The following ACAP2 variants were observed in gnomAD, a reference collection of about 807,000 sequenced individuals.
ACAP2 encodes the protein arf-GAP with coiled-coil, ANK repeat and PH domain-containing protein 2.
A neutral mutation model predicts 115.8 loss-of-function variants in ACAP2; 39 were observed. The ratio of observed to expected loss-of-function variants is 0.34; its 90% confidence interval spans 0.26 to 0.44. The LOEUF (loss-of-function observed/expected upper bound fraction) is 0.44, where lower values mean the gene tolerates loss of function less well. ACAP2 is among the 20% of genes least tolerant of loss of function. ACAP2 has a pLI of 1.00. For synonymous variants in ACAP2, 289 were observed against 315.8 expected (o/e 0.92, Z 0.90); for missense variants, 662 against 927.6 (o/e 0.71, Z 3.72).
chr3:195,383,441 T>A (rs1290798706), intron 2 of ACAP2, among the ~76,000 whole-genome samples: 1 of 152,074 alleles, frequency 6.6e-6, no homozygotes, highest in Admixed American at 6.6e-5. Flanking sequence ...TGATAAATGA[T>A]ATTAGGGACA....
intron 4 of ACAP2, among the ~76,000 whole-genome samples, chr3:195,365,445 A>G (rs967478947): frequency 6.6e-6 from 1 of 152,228 alleles, no homozygotes; most frequent in Non-Finnish European, 1.5e-5. Context: ...ATTGTTTTAA[A>G]GAACAAAATT....
chr3:195,359,612 C>T (rs561589712), intron 4 of ACAP2, among the ~76,000 whole-genome samples: 22 of 152,252 alleles, frequency 1.4e-4, no homozygotes, highest in African/African-American at 3.9e-4. Flanking sequence ...GGACTACAGG[C>T]GCCCGCCACC....
intron 1 of ACAP2, among the ~76,000 whole-genome samples, chr3:195,425,675 A>G (rs114385578): frequency 0.022 from 3,414 of 152,264 alleles, 118 homozygotes; most frequent in African/African-American, 0.076. Context: ...TGTAAAAAAT[A>G]TAACTCTTGA....
chr3:195,275,410 C>T lies in ACAP2; in HGVS notation c.*3918G>A, dbSNP rs1359448503. ...TTAAAATTACTTTTATAATGTTTTG[C>T]TTTCATTAATGTTTGTTATTGCAAA... On this transcript the variant is annotated 3_prime_UTR_variant, in exon 23 of 23. Coordinates refer to ENST00000326793, the MANE Select transcript of ACAP2 (RefSeq NM_012287.6). The T allele has an allele frequency of 2.0e-5, 3 of 152,126 alleles. No homozygotes were observed. Among genetic ancestry groups the T allele is most frequent in the Non-Finnish European group, 4.4e-5 (3 of 67,998 alleles). 9.4% of individuals were successfully genotyped at this position (152,126 alleles called of 1,614,324 possible).
In ACAP2 at chr3:195,336,948, G is replaced by A; in HGVS notation, c.557C>T (p.Ser186Leu). 6.2e-7 allele frequency: 1 copy of A among 1,609,414 alleles called. No homozygotes were observed. ...QINVLQSKRRSEILKSMLSFM... is the reference protein window; with the variant it reads ...QINVLQSKRRLEILKSMLSFM... ...ATGTCTTACTGATTTTAGGATTTCTGATCTCCTTTTTGATTGAAGAACATT... is the reference window on the plus strand; with the variant it reads ...ATGTCTTACTGATTTTAGGATTTCTAATCTCCTTTTTGATTGAAGAACATT... Residue 186 changes from serine (S) to leucine (L), a missense_variant, in exon 7 of 23, where the codon TCA becomes TTA. Physicochemically the swap from Ser to Leu is moderately radical, Grantham distance 145. This residue lies in a region of ACAP2 where 401 missense variants were observed against 604.4 expected (regional missense o/e 0.66). Coordinates refer to ENST00000326793, the MANE Select transcript of ACAP2 (RefSeq NM_012287.6).
At chr3:195,306,134 A>G (rs1728404591) in intron 13 of ACAP2, among the ~76,000 whole-genome samples, 1 of 151,978 alleles carries the variant, frequency 6.6e-6, no homozygotes, top group African/African-American at 2.4e-5. Context: ...AGGGGCCTTC[A>G]CCTAAGAGAC....
chr3:195,438,843 T>G (rs1036264027), intron 1 of ACAP2, among the ~76,000 whole-genome samples: 4 of 152,152 alleles, frequency 2.6e-5, no homozygotes, highest in Non-Finnish European at 5.9e-5. Context: ...GCGGATCACC[T>G]GAGGTCAGGA....
intron 4 of ACAP2, among the ~76,000 whole-genome samples, chr3:195,361,272 TA>T (rs1732347877): frequency 1.3e-5 from 2 of 151,834 alleles, no homozygotes; most frequent in East Asian, 3.9e-4. Flanking sequence ...CTGTCTCTAC[TA>T]AACAATACAA....
intron 2 of ACAP2, among the ~76,000 whole-genome samples, chr3:195,386,136 A>G (rs1178706330): frequency 6.6e-6 from 1 of 152,246 alleles, no homozygotes; most frequent in Admixed American, 6.5e-5. Context: ...AGCTAGTCAC[A>G]TAAGACCAAA....
At chr3:195,292,921 C>CAAA (rs3988217) in intron 18 of ACAP2, among the ~76,000 whole-genome samples, 34,865 of 76,314 alleles carry the variant, frequency 0.46, 9,421 homozygotes, top group Middle Eastern at 0.55. Context: ...GACTCAGTCT[C>CAAA]AAAAAAAAAA....
chr3:195,322,778 AAG>A (rs1278452739), intron 9 of ACAP2, among the ~76,000 whole-genome samples: 2 of 152,238 alleles, frequency 1.3e-5, no homozygotes, highest in East Asian at 3.8e-4. Context: ...GTCAACTTAA[AAG>A]ACTTCTTTGA....
At chr3:195,370,747 C>A (rs1055349030) in intron 4 of ACAP2, among the ~76,000 whole-genome samples, 2 of 152,004 alleles carry the variant, frequency 1.3e-5, no homozygotes, top group Non-Finnish European at 2.9e-5. Flanking sequence ...ATCAGGAGTT[C>A]GAGACCAGCC....
At chr3:195,426,208 C>T (rs554149376) in intron 1 of ACAP2, among the ~76,000 whole-genome samples, 213 of 152,268 alleles carry the variant, frequency 1.4e-3, no homozygotes, top group African/African-American at 4.7e-3. Context: ...CTCCTTTCTC[C>T]CTGAGGCTTT....
chr3:195,285,629 A>G (rs1726794913), intron 22 of ACAP2, 167 bp downstream of exon 22: 3 of 593,036 alleles, frequency 5.1e-6, no homozygotes, highest in Non-Finnish European at 8.8e-6. Context: ...GGATTCAGTT[A>G]AGTACAGTAC....
chr3:195,289,877 C>T (rs952027097), intron 20 of ACAP2, among the ~76,000 whole-genome samples: 2 of 150,290 alleles, frequency 1.3e-5, no homozygotes, highest in Non-Finnish European at 3.0e-5. Context: ...AAAAAGATCA[C>T]TCAAGGTCAT....
In ACAP2 at chr3:195,295,764, A is replaced by T; in HGVS notation, c.1616T>A (p.Leu539Gln). ...FVSKSSEEKR[L>Q]SISKFGPGDQ... ...CCCTGGCCCAAATTTAGAAATGCTC[A>T]GCCTCTTTTCTTCAGAACTTTTAGA... Residue 539 changes from leucine (L) to glutamine (Q), a missense_variant, in exon 17 of 23, where the codon CTG (leucine) becomes CAG (glutamine). This residue lies in a region of ACAP2 where 133 missense variants were observed against 123.1 expected (regional missense o/e 1.08). Coordinates refer to ENST00000326793, the MANE Select transcript of ACAP2 (RefSeq NM_012287.6). 6.2e-7 allele frequency: 1 copy of T among 1,614,184 alleles called. No homozygotes were observed. Among genetic ancestry groups the T allele is most frequent in the Non-Finnish European group, 8.5e-7 (1 of 1,180,012 alleles).
At chr3:195,388,424 C>T (rs1465052324) in intron 2 of ACAP2, among the ~76,000 whole-genome samples, 3 of 152,178 alleles carry the variant, frequency 2.0e-5, no homozygotes, top group Non-Finnish European at 4.4e-5. Context: ...TAATTGAACT[C>T]CGTAGAGCAA....
chr3:195,417,079 T>G, intron 1 of ACAP2, among the ~76,000 whole-genome samples: 1 of 59,610 alleles, frequency 1.7e-5, no homozygotes, highest in African/African-American at 1.1e-4. Flanking sequence ...GCCTGGCTAA[T>G]TTTTTTTTTT....
intron 1 of ACAP2, among the ~76,000 whole-genome samples, chr3:195,400,294 A>G (rs2108789522): frequency 6.6e-6 from 1 of 152,186 alleles, no homozygotes; most frequent in Middle Eastern, 3.4e-3. Flanking sequence ...AGAGGTCTAT[A>G]GAATCTTCTG....
Sources: allele counts gnomAD v4.1 joint callset (sites outside exome capture counted in the v4.1 genomes callset), GRCh38; gene constraint gnomAD v4.1.1; regional missense constraint gnomAD v4.1.1; transcripts MANE v1.5; gene names NCBI Gene and HGNC (gene_info 2026-07-23, HGNC 2026-07-21).